The following GPC6 variants were observed in gnomAD, a reference collection of about 807,000 sequenced individuals.
GPC6 encodes glypican-6.
A neutral mutation model predicts 55.2 loss-of-function variants in GPC6; 14 were observed. The ratio of observed to expected loss-of-function variants is 0.25; its 90% CI spans 0.17 to 0.40. GPC6 has a LOEUF of 0.40. Among genes scored for constraint, GPC6 ranks in the 10% least tolerant of loss-of-function variants. The probability of loss-of-function intolerance (pLI) is 1.00; values close to 1 mark genes in which losing one functional copy is unlikely to be tolerated. For synonymous variants in GPC6, 278 were observed against 259.6 expected (o/e 1.07, Z -0.68); for missense variants, 641 against 708.5 (o/e 0.90, Z 1.08).
intron 1 of GPC6, among the ~76,000 whole-genome samples, chr13:93,365,579 A>G (rs1881216869): frequency 6.6e-6 from 1 of 152,100 alleles, no homozygotes; most frequent in Admixed American, 6.6e-5. Flanking sequence ...TCAGGTCCAG[A>G]GTAGTGTCAC....
intron 4 of GPC6, among the ~76,000 whole-genome samples, chr13:94,192,131 A>G (rs1444771873): frequency 6.6e-6 from 1 of 152,206 alleles, no homozygotes; most frequent in Non-Finnish European, 1.5e-5. Context: ...TTACCTCAGC[A>G]TGCTGCAATA....
At chr13:93,957,176 G>A (rs1202143746) in intron 3 of GPC6, among the ~76,000 whole-genome samples, 2 of 152,032 alleles carry the variant, frequency 1.3e-5, no homozygotes, top group Non-Finnish European at 2.9e-5. Flanking sequence ...ATAGTAAATA[G>A]TCATAAACTA....
At chr13:93,602,723 T>C (rs968703806) in intron 2 of GPC6, among the ~76,000 whole-genome samples, 1 of 152,218 alleles carries the variant, frequency 6.6e-6, no homozygotes, top group Non-Finnish European at 1.5e-5. Flanking sequence ...ACTTCTTTCA[T>C]TATTTTATTT....
chr13:93,569,036 A>G (rs933876336), intron 2 of GPC6, among the ~76,000 whole-genome samples: 10 of 152,170 alleles, frequency 6.6e-5, no homozygotes, highest in Non-Finnish European at 1.3e-4. Flanking sequence ...TCTACAAAGA[A>G]CGCTTTAGCA....
chr13:93,500,557 G>A (rs566901589), intron 1 of GPC6, among the ~76,000 whole-genome samples: 5 of 152,126 alleles, frequency 3.3e-5, no homozygotes, highest in East Asian at 1.9e-4. Flanking sequence ...AATATCCCAC[G>A]AACATATATC....
chr13:94,224,379 A>C (rs1890483011), intron 4 of GPC6, among the ~76,000 whole-genome samples: 1 of 151,976 alleles, frequency 6.6e-6, no homozygotes, highest in South Asian at 2.1e-4. Context: ...AGTTCCATCA[A>C]GGCCAAGACA....
chr13:93,745,523 T>C (rs1374435910), intron 2 of GPC6, among the ~76,000 whole-genome samples: 3 of 152,188 alleles, frequency 2.0e-5, no homozygotes, highest in Non-Finnish European at 4.4e-5. Context: ...ATTTACCAAA[T>C]TACAGACAGT....
intron 2 of GPC6, among the ~76,000 whole-genome samples, chr13:93,548,284 T>C (rs1812238151): frequency 6.6e-6 from 1 of 152,208 alleles, no homozygotes; most frequent in African/African-American, 2.4e-5. Context: ...CTTTGTTGGC[T>C]ATATACTGTT....
intron 1 of GPC6, among the ~76,000 whole-genome samples, chr13:93,244,515 G>T (rs1377652532): frequency 1.3e-5 from 2 of 152,222 alleles, no homozygotes; most frequent in African/African-American, 4.8e-5. Context: ...TCACGTGGGC[G>T]TCTGTGAGTT....
Position 93,957,752 on chromosome 13 carries a change from G to A in GPC6, c.712-69977G>A, listed in dbSNP as rs150702168. 2.3e-3 allele frequency among the ~76,000 whole-genome samples: 356 copies of A among 152,258 alleles called. 2 individuals are homozygous for A. The highest frequency in any genetic ancestry group is 8.4e-3 in the African/African-American group (351 of 41,548). On this transcript the variant is annotated intron_variant, in intron 3 of 8. Coordinates refer to ENST00000377047, the MANE Select transcript of GPC6 (RefSeq NM_005708.5). ...GAGTATATACACAGTCATGAAATTG[G>A]TATGTCAAATAGCAGCTCTGTTTTA...
At chr13:93,887,542 C>G (rs1261060818) in intron 3 of GPC6, among the ~76,000 whole-genome samples, 1 of 152,058 alleles carries the variant, frequency 6.6e-6, no homozygotes, top group Non-Finnish European at 1.5e-5. Context: ...CTCACTAATA[C>G]TAATACCTCT....
intron 3 of GPC6, among the ~76,000 whole-genome samples, chr13:93,910,616 T>C (rs563111103): frequency 6.4e-4 from 98 of 152,202 alleles, no homozygotes; most frequent in African/African-American, 2.2e-3. Context: ...ATTGGCCTCA[T>C]TGGCTAATTC....
chr13:93,655,295 T>C (rs1392434344), intron 2 of GPC6, among the ~76,000 whole-genome samples: 2 of 152,134 alleles, frequency 1.3e-5, no homozygotes, highest in African/African-American at 2.4e-5. Flanking sequence ...AGTTAGATGA[T>C]TGAATTATAA....
intron 3 of GPC6, among the ~76,000 whole-genome samples, chr13:94,012,270 T>C (rs963507253): frequency 1.3e-5 from 2 of 152,140 alleles, no homozygotes; most frequent in Non-Finnish European, 2.9e-5. Context: ...TTTTTCTCCT[T>C]CTTTGAGGCT....
At chr13:93,381,747 G>T (rs1320904054) in intron 1 of GPC6, among the ~76,000 whole-genome samples, 1 of 152,070 alleles carries the variant, frequency 6.6e-6, no homozygotes, top group African/African-American at 2.4e-5. Context: ...AATTACACAA[G>T]TGGCACTAGA....
At chr13:93,511,284 G>A (rs1880962536) in intron 1 of GPC6, among the ~76,000 whole-genome samples, 2 of 151,254 alleles carry the variant, frequency 1.3e-5, no homozygotes, top group Admixed American at 1.3e-4. Flanking sequence ...TACAGGAGGG[G>A]TTTCCTTAGG....
At chr13:93,447,290 G>C (rs1304315798) in intron 1 of GPC6, among the ~76,000 whole-genome samples, 1 of 152,072 alleles carries the variant, frequency 6.6e-6, no homozygotes, top group Admixed American at 6.6e-5. Flanking sequence ...AGATATTCAG[G>C]TTCAAAACCA....
At chr13:93,771,508 C>A (rs1885293626) in intron 2 of GPC6, among the ~76,000 whole-genome samples, 1 of 152,084 alleles carries the variant, frequency 6.6e-6, no homozygotes, top group African/African-American at 2.4e-5. Context: ...ATTTGGTGAG[C>A]TTTGAGGAGT....
intron 1 of GPC6, among the ~76,000 whole-genome samples, chr13:93,285,630 G>GTGTGTGTGTGTGTGTGTGTGTA (rs1555287672): frequency 1.6e-4 from 23 of 140,518 alleles, no homozygotes; most frequent in African/African-American, 4.9e-4. Context: ...GTGTGTGTGT[G>GTGTGTGTGTGTGTGTGTGTGTA]TGTGTGTGTG....
Sources: allele counts gnomAD v4.1 joint callset (sites outside exome capture counted in the v4.1 genomes callset), GRCh38; gene constraint gnomAD v4.1.1; transcripts MANE v1.5; gene names NCBI Gene and HGNC (gene_info 2026-07-23, HGNC 2026-07-21).